ABR: variants seen among roughly 807,000 people sequenced by gnomAD.
ABR encodes ABR activator of RhoGEF and GTPase.
A neutral mutation model predicts 107.2 loss-of-function variants in ABR; 35 were observed. The observed-to-expected ratio is 0.33, with a 90% confidence interval of 0.25 to 0.43. The LOEUF (loss-of-function observed/expected upper bound fraction) is 0.43, where lower values mean the gene tolerates loss of function less well. Among genes scored for constraint, ABR ranks in the 20% least tolerant of loss-of-function variants. The pLI is 1.00. For synonymous variants in ABR, 498 were observed against 462.0 expected (o/e 1.08, Z -1.00); for missense variants, 815 against 1,115.2 (o/e 0.73, Z 3.83).
At chr17:1,098,962 T>C (rs2037682884) in intron 3 of ABR, among the ~76,000 whole-genome samples, 1 of 152,058 alleles carries the variant, frequency 6.6e-6, no homozygotes, top group Non-Finnish European at 1.5e-5. Context: ...ATTTTTTGTA[T>C]TTTTAGTAGA....
At chr17:1,068,537 C>T (rs866503565) in intron 9 of ABR, among the ~76,000 whole-genome samples, 35 of 152,226 alleles carry the variant, frequency 2.3e-4, no homozygotes, top group Non-Finnish European at 2.4e-4. Flanking sequence ...ATCCAGACTG[C>T]CGCTTCTCAG....
rs2072259847 is a variant in ABR at position 1,027,091 on chromosome 17, C to T, written c.1792-13927G>A. On this transcript the variant is annotated intron_variant, in intron 16 of 22. Transcript: ENST00000302538. The surrounding 1 kb of genome is among the most constrained non-coding windows in gnomAD (Gnocchi z 4.7). ...AGCCACACCTGCAGGCTTGGGGGCT[C>T]CTTCCAAAATGTCTGGGGCCTCATT... 1.3e-5 allele frequency among the ~76,000 whole-genome samples: 2 copies of T among 152,116 alleles called. No individual in the cohort carries two copies. The highest frequency in any genetic ancestry group is 4.8e-5 in the African/African-American group (2 of 41,432).
chr17:1,037,454 G>A lies in ABR; in HGVS notation c.1791+12596C>T, dbSNP rs1283264213. 6.6e-6 allele frequency among the ~76,000 whole-genome samples: 1 copy of A among 152,194 alleles called. No individual in the cohort carries two copies. Among genetic ancestry groups the A allele is most frequent in the Non-Finnish European group, 1.5e-5 (1 of 68,044 alleles). Reference sequence around the variant, plus strand: ...CAGCCCAAGAGCTTGTCTGCTGCAGGAGAAGTGTCCCGACAGCCCGTCCCT... The same window carrying A: ...CAGCCCAAGAGCTTGTCTGCTGCAGAAGAAGTGTCCCGACAGCCCGTCCCT... On this transcript the variant is annotated intron_variant, in intron 16 of 22. Coordinates refer to ENST00000302538, the MANE Select transcript of ABR (RefSeq NM_021962.5). This position sits in a 1 kb window ranked among gnomAD's most constrained non-coding sequence, Gnocchi z 4.6.
intron 3 of ABR, among the ~76,000 whole-genome samples, chr17:1,095,619 C>T (rs567366281): frequency 5.3e-5 from 8 of 152,252 alleles, no homozygotes; most frequent in South Asian, 4.1e-4. Flanking sequence ...GGGCAGGCCC[C>T]GGCTCTCCAT....
chr17:1,018,290 C>G (rs1006644031), intron 16 of ABR, among the ~76,000 whole-genome samples: 6 of 152,186 alleles, frequency 3.9e-5, no homozygotes, highest in Non-Finnish European at 8.8e-5. Context: ...GATTCGCCCA[C>G]CTCGGCCTCC....
chr17:1,113,240 A>G (rs1490437024), intron 2 of ABR, among the ~76,000 whole-genome samples: 3 of 140,564 alleles, frequency 2.1e-5, no homozygotes, highest in African/African-American at 5.3e-5. Context: ...CTGAGGTGCC[A>G]CTTTTCTGGA....
intron 3 of ABR, among the ~76,000 whole-genome samples, chr17:1,093,087 C>G (rs189252266): frequency 6.6e-6 from 1 of 151,226 alleles, no homozygotes; most frequent in Non-Finnish European, 1.5e-5. Flanking sequence ...TCCCAAAGTG[C>G]TGGGATTACG....
chr17:1,203,059 T>C (rs1439258135), intron 1 of ABR, among the ~76,000 whole-genome samples: 1 of 152,090 alleles, frequency 6.6e-6, no homozygotes, highest in Non-Finnish European at 1.5e-5. Context: ...GCTAATTTTG[T>C]ATTTTTAGTA....
intron 17 of ABR, 66 bp from the exon 18 acceptor site, chr17:1,012,863 C>A: frequency 7.3e-7 from 1 of 1,370,004 alleles, no homozygotes; most frequent in Non-Finnish European, 1.0e-6. Flanking sequence ...GCCCCCAAAA[C>A]ACAGGGGTCC....
At chr17:1,139,677 C>T (rs2040215869) in intron 1 of ABR, among the ~76,000 whole-genome samples, 1 of 152,106 alleles carries the variant, frequency 6.6e-6, no homozygotes, top group African/African-American at 2.4e-5. Context: ...GAAATGAAAG[C>T]GCAGGGAGTT....
chr17:1,087,417 G>A (rs1046671051), intron 4 of ABR, among the ~76,000 whole-genome samples: 4 of 152,330 alleles, frequency 2.6e-5, no homozygotes, highest in East Asian at 1.9e-4. Flanking sequence ...GGAGCGGGGG[G>A]CATCTGGAAA....
chr17:1,020,793 T>A (rs1211332386), intron 16 of ABR, among the ~76,000 whole-genome samples: 2 of 152,166 alleles, frequency 1.3e-5, no homozygotes, highest in African/African-American at 4.8e-5. Context: ...GGGATGCCCC[T>A]GAGGGTCTCA....
intron 1 of ABR, chr17:1,177,836 CATCTGCGCTCCGAACAG>C: frequency 6.6e-6 from 1 of 152,374 alleles, no homozygotes; most frequent in South Asian, 2.1e-4. Context: ...AGCTGATCTG[CATCTGCGCTCCGAACAG>C]ATGTGTGCCC....
chr17:1,056,333 G>A (rs1488656097), intron 13 of ABR, among the ~76,000 whole-genome samples: 1 of 152,056 alleles, frequency 6.6e-6, no homozygotes, highest in Non-Finnish European at 1.5e-5. Flanking sequence ...TCAGCCTGGG[G>A]GGGTCCAGCA....
At chr17:1,063,352 C>A (rs1316315610) in intron 10 of ABR, among the ~76,000 whole-genome samples, 35 of 110,268 alleles carry the variant, frequency 3.2e-4, no homozygotes, top group South Asian at 2.9e-3. Flanking sequence ...ACTGTTGTTA[C>A]GTGAACTGAG....
intron 10 of ABR, among the ~76,000 whole-genome samples, chr17:1,061,035 T>A (rs542046246): frequency 6.6e-6 from 1 of 152,244 alleles, no homozygotes; most frequent in East Asian, 1.9e-4. Flanking sequence ...TCACTGCTTC[T>A]TCTGTGACTC....
chr17:1,206,478 G>A (rs2042790274), intron 1 of ABR, among the ~76,000 whole-genome samples: 1 of 152,176 alleles, frequency 6.6e-6, no homozygotes, highest in Non-Finnish European at 1.5e-5. Context: ...TGCAGCCTTG[G>A]ACTCCAGGGC....
At chr17:1,046,111 T>A (rs2031549091) in intron 16 of ABR, among the ~76,000 whole-genome samples, 1 of 150,680 alleles carries the variant, frequency 6.6e-6, no homozygotes. Flanking sequence ...CCTCAGGTGA[T>A]CCCCCCGCCC....
chr17:1,113,534 G>A (rs568149293), intron 2 of ABR, among the ~76,000 whole-genome samples: 27 of 152,064 alleles, frequency 1.8e-4, no homozygotes, highest in South Asian at 1.7e-3. Context: ...TGATCCACCC[G>A]CCTCGGCCTC....
Sources: gnomAD v4.1 joint callset for allele counts (sites outside exome capture counted in the v4.1 genomes callset) on GRCh38, gnomAD v4.1.1 for gene constraint, Gnocchi (gnomAD v3.1) non-coding constraint, MANE v1.5 for transcripts, NCBI Gene and HGNC (gene_info 2026-07-23, HGNC 2026-07-21) for gene names.